Variants in SLC39A9 observed in about 807,000 individuals in gnomAD.
The protein encoded by SLC39A9 is solute carrier family 39 member 9, also known as zinc transporter ZIP9.
In SLC39A9, 14 loss-of-function variants were observed where a neutral mutation model predicts 28.4. That is an observed-to-expected ratio of 0.49 (90% CI 0.33 to 0.77). The LOEUF (loss-of-function observed/expected upper bound fraction) is 0.77. Among genes scored for constraint, SLC39A9 ranks in the 30% least tolerant of loss-of-function variants. The pLI, the probability that SLC39A9 is intolerant of heterozygous loss-of-function variation, is 0.02. For missense variants in SLC39A9, 283 were observed against 381.1 expected (o/e 0.74, Z 2.14); for synonymous variants, 119 against 149.6 (o/e 0.80, Z 1.49).
At chr14:69,443,274 A>G (rs557278847) in intron 3 of SLC39A9, among the ~76,000 whole-genome samples, 3 of 152,252 alleles carry the variant, frequency 2.0e-5, no homozygotes, top group Non-Finnish European at 2.9e-5. Context: ...GGAAAGCAGC[A>G]TAAGTATCTT....
At chr14:69,429,623 TGG>T (rs944993581) in intron 2 of SLC39A9, among the ~76,000 whole-genome samples, 7 of 151,944 alleles carry the variant, frequency 4.6e-5, no homozygotes, top group African/African-American at 1.7e-4. Context: ...GAGACTGAAG[TGG>T]GGGGATTGCT....
At position 69,458,665 on chromosome 14, in the gene SLC39A9, C is replaced by A; in HGVS notation, c.*72C>A. Reference sequence around the variant, plus strand: ...GAACAGCCGGCACGTGACAGCTACTCACTTCCTCAGTCTCTTGTCTCACCT... The same window carrying A: ...GAACAGCCGGCACGTGACAGCTACTAACTTCCTCAGTCTCTTGTCTCACCT... On this transcript the variant is annotated 3_prime_UTR_variant, in exon 7 of 7. Coordinates refer to ENST00000336643, the MANE Select transcript of SLC39A9 (RefSeq NM_018375.5). 1 of 1,482,070 alleles carries A rather than the reference C, an allele frequency of 6.7e-7. No homozygotes were observed. The highest frequency in any genetic ancestry group is 1.3e-5 in the South Asian group (1 of 75,066). The allele number at this position is 1,482,070 out of a possible 1,614,324, so 91.8% of individuals were successfully genotyped here.
chr14:69,448,164 G>A (rs1320179286), intron 3 of SLC39A9, among the ~76,000 whole-genome samples: 5 of 134,154 alleles, frequency 3.7e-5, no homozygotes, highest in Admixed American at 1.7e-4. Flanking sequence ...GCAGTGAGCC[G>A]AGGTCACGCC....
At chr14:69,455,115 A>G (rs376719621) in intron 5 of SLC39A9, among the ~76,000 whole-genome samples, 1 of 152,116 alleles carries the variant, frequency 6.6e-6, no homozygotes, top group African/African-American at 2.4e-5. Context: ...ATATACACAA[A>G]TTGTCAAATT....
At position 69,438,024 on chromosome 14, in the gene SLC39A9, CT is replaced by C. The variant is rs374673006; in HGVS notation, c.206-4031del. ...TCTTTTCTTACCCTCTTCCCTTACC[CT>C]TTTTTTTTTTTTTGAGACAGAGTTT... On this transcript the variant is annotated intron_variant, in intron 2 of 6. Transcript: ENST00000336643. Among the ~76,000 whole-genome samples, 481 of 140,270 alleles carry C rather than the reference CT, an allele frequency of 3.4e-3. 1 individual carries two copies. Among genetic ancestry groups the C allele is most frequent in the African/African-American group, 4.0e-3 (151 of 37,952 alleles). 92.0% of individuals were successfully genotyped at this position (140,270 alleles called of 152,430 possible). A position where few individuals can be genotyped will look rare whatever the true frequency, so the allele number is the denominator to read the frequency against.
At chr14:69,446,535 C>T (rs903166456) in intron 3 of SLC39A9, among the ~76,000 whole-genome samples, 3 of 151,754 alleles carry the variant, frequency 2.0e-5, no homozygotes, top group Non-Finnish European at 4.4e-5. Flanking sequence ...ATAAGTTGAG[C>T]ACCAACATAA....
intron 4 of SLC39A9, 117 bp from the exon 5 acceptor site, chr14:69,454,695 T>TTAAG: frequency 1.4e-6 from 1 of 710,078 alleles, no homozygotes; most frequent in South Asian, 1.9e-5. Context: ...TGTAGAAAGG[T>TTAAG]TAAGTAACAT....
At chr14:69,457,724 T>C (rs1420430313) in intron 6 of SLC39A9, among the ~76,000 whole-genome samples, 1 of 152,202 alleles carries the variant, frequency 6.6e-6, no homozygotes, top group Admixed American at 6.5e-5. Context: ...AAAGTTCGTT[T>C]TAAAAAGCAA....
intron 2 of SLC39A9, among the ~76,000 whole-genome samples, chr14:69,437,118 C>T (rs1000850548): frequency 2.4e-4 from 36 of 152,128 alleles, no homozygotes; most frequent in African/African-American, 8.2e-4. Context: ...CCACCTGCCT[C>T]GGCCTCCCAA....
intron 1 of SLC39A9, among the ~76,000 whole-genome samples, chr14:69,402,435 A>G (rs1882690393): frequency 6.6e-6 from 1 of 152,078 alleles, no homozygotes. Flanking sequence ...AATATCTCAG[A>G]ACAGGAATAA....
At chr14:69,415,333 A>C (rs1883510921) in intron 1 of SLC39A9, among the ~76,000 whole-genome samples, 1 of 152,184 alleles carries the variant, frequency 6.6e-6, no homozygotes, top group East Asian at 1.9e-4. Flanking sequence ...ATGGGTATGA[A>C]AAGGTATCTT....
Position 69,398,932 on chromosome 14 carries a change from C to G in SLC39A9, c.-438C>G, listed in dbSNP as rs890398075. On this transcript the variant is annotated 5_prime_UTR_variant, in exon 1 of 7. Coordinates refer to ENST00000336643, the MANE Select transcript of SLC39A9 (RefSeq NM_018375.5). The stretch of plus-strand genomic sequence containing the variant: ...GTTTCCTGCTCTGGGGGGCGGATCA[C>G]CTTCGGGGCCGCCTCTTGGAGACAG... The G allele has an allele frequency of 2.5e-5, 5 of 197,888 alleles. No homozygotes were observed. Among genetic ancestry groups the G allele is most frequent in the African/African-American group, 9.6e-5 (4 of 41,670 alleles). 12.3% of individuals were successfully genotyped at this position (197,888 alleles called of 1,614,324 possible). A position where few individuals can be genotyped will look rare whatever the true frequency, so the allele number is the denominator to read the frequency against.
intron 1 of SLC39A9, among the ~76,000 whole-genome samples, chr14:69,417,724 T>C (rs1883655660): frequency 6.6e-6 from 1 of 152,344 alleles, no homozygotes; most frequent in African/African-American, 2.4e-5. Context: ...TATTTTATTC[T>C]CTTTGTAGCA....
chr14:69,437,594 G>T (rs903961844), intron 2 of SLC39A9, among the ~76,000 whole-genome samples: 27 of 143,444 alleles, frequency 1.9e-4, no homozygotes, highest in Admixed American at 4.9e-4. Flanking sequence ...TTTTTTGTTT[G>T]TTTTTTTTTT....
intron 1 of SLC39A9, among the ~76,000 whole-genome samples, chr14:69,420,028 G>A (rs1467916346): frequency 6.6e-6 from 1 of 152,190 alleles, no homozygotes; most frequent in Non-Finnish European, 1.5e-5. Flanking sequence ...GTGTGAATTT[G>A]ATCCTGTCAT....
intron 1 of SLC39A9, among the ~76,000 whole-genome samples, chr14:69,422,353 C>G (rs924463763): frequency 4.6e-5 from 7 of 152,200 alleles, no homozygotes; most frequent in Non-Finnish European, 1.0e-4. Flanking sequence ...CTCCCCATAT[C>G]TGGGACAACA....
intron 2 of SLC39A9, among the ~76,000 whole-genome samples, chr14:69,438,419 G>A (rs61982401): frequency 0.13 from 19,060 of 152,016 alleles, 1,314 homozygotes; most frequent in East Asian, 0.18. Context: ...GTTCTTCTGT[G>A]GACCTTATAA....
At chr14:69,448,205 ACT>A (rs1885432431) in intron 3 of SLC39A9, among the ~76,000 whole-genome samples, 1 of 89,938 alleles carries the variant, frequency 1.1e-5, no homozygotes, top group Non-Finnish European at 2.0e-5. Context: ...ACAAAGTGAG[ACT>A]CTGTCTCAAA....
rs1886109712 is a variant in SLC39A9, at chr14:69,461,491, TTC to T, written c.*2902_*2903del. On this transcript the variant is annotated 3_prime_UTR_variant, in exon 7 of 7. Coordinates refer to ENST00000336643, the MANE Select transcript of SLC39A9 (RefSeq NM_018375.5). ...ACTACCTACCTAGAGGTTATGTGTT[TTC>T]TCTTTCTCCCCGCTTTCACCTCTTT... 1.1e-5 allele frequency: 15 copies of T among 1,424,446 alleles called. No individual in the cohort carries two copies. The highest frequency in any genetic ancestry group is 1.4e-5 in the Non-Finnish European group (15 of 1,092,528). 88.2% of individuals were successfully genotyped at this position (1,424,446 alleles called of 1,614,324 possible).
Sources: allele counts gnomAD v4.1 joint callset (sites outside exome capture counted in the v4.1 genomes callset), GRCh38; gene constraint gnomAD v4.1.1; transcripts MANE v1.5; gene names NCBI Gene and HGNC (gene_info 2026-07-23, HGNC 2026-07-21).